Variants in SVIL observed in about 807,000 individuals in gnomAD.
The protein encoded by SVIL is archvillin.
A neutral mutation model predicts 240.4 loss-of-function variants in SVIL; 101 were observed. The observed-to-expected ratio is 0.42, with a 90% CI of 0.36 to 0.50. The LOEUF (loss-of-function observed/expected upper bound fraction) is 0.50. Ranked by LOEUF, SVIL falls within the 20% of genes least tolerant of loss-of-function variation. The pLI is 0.01. For missense variants in SVIL, 2,512 were observed against 2,818.7 expected, an observed-to-expected ratio of 0.89 and a Z score of 2.46; for synonymous variants, 999 against 1,100.0, an observed-to-expected ratio of 0.91 and a Z score of 1.82.
chr10:29,616,600 G>T (rs1464607341), intron 1 of SVIL, among the ~76,000 whole-genome samples: 2 of 152,238 alleles, frequency 1.3e-5, no homozygotes, highest in African/African-American at 2.4e-5. Context: ...CTGGCATAAG[G>T]ATTATTCTGA....
At chr10:29,654,308 C>T (rs1371522867) in intron 3 of SVIL, among the ~76,000 whole-genome samples, 9 of 152,020 alleles carry the variant, frequency 5.9e-5, no homozygotes, top group South Asian at 2.1e-4. Context: ...TATTAGAAAA[C>T]AAATTATTGT....
At chr10:29,567,862 A>G (rs1306289804) in intron 2 of SVIL, among the ~76,000 whole-genome samples, 1 of 151,938 alleles carries the variant, frequency 6.6e-6, no homozygotes, top group African/African-American at 2.4e-5. Flanking sequence ...TAAAAATACA[A>G]AAAAATTAGC....
At chr10:29,702,869 C>T (rs1962624910) in intron 1 of SVIL, among the ~76,000 whole-genome samples, 1 of 152,158 alleles carries the variant, frequency 6.6e-6, no homozygotes, top group Non-Finnish European at 1.5e-5. Context: ...TGACTTCAGA[C>T]TTTAGGAGAA....
chr10:29,580,842 T>A (rs184435959), intron 1 of SVIL, among the ~76,000 whole-genome samples: 42 of 152,194 alleles, frequency 2.8e-4, no homozygotes, highest in African/African-American at 9.4e-4. Context: ...AGACATGGGA[T>A]CTTGCCATGT....
At chr10:29,513,710 C>A (rs1260295108) in intron 16 of SVIL, among the ~76,000 whole-genome samples, 1 of 152,176 alleles carries the variant, frequency 6.6e-6, no homozygotes, top group African/African-American at 2.4e-5. Flanking sequence ...CTTCTTTAGA[C>A]AGAAACTATT....
chr10:29,530,639 G>T lies in SVIL; in HGVS notation c.2074C>A (p.Leu692Met), dbSNP rs1210636193. 1.2e-6 allele frequency: 2 copies of T among 1,614,142 alleles called. No individual in the cohort carries two copies. Among genetic ancestry groups the T allele is most frequent in the Admixed American group, 3.3e-5 (2 of 60,022 alleles). ...AGCAACCTCTTGGCGGCGACGCTCA[G>T]CTTGGCTCGTTCATCCACCTTTTCT... ...DEEKVDERAK[L>M]SVAAKRLLFR... Residue 692 changes from leucine (L) to methionine (M), a missense_variant, in exon 11 of 38, where the codon CTG (leucine) becomes ATG (methionine). Coordinates refer to ENST00000355867, the MANE Select transcript of SVIL (RefSeq NM_021738.3).
intron 6 of SVIL, among the ~76,000 whole-genome samples, chr10:29,539,212 G>A (rs987717825): frequency 1.3e-5 from 2 of 149,852 alleles, no homozygotes; most frequent in Non-Finnish European, 3.0e-5. Context: ...AACAAAGTAT[G>A]TGAAGGCATC....
In SVIL at chr10:29,526,305, C is replaced by CTTT. The variant is rs36004446; in HGVS notation, c.2342+653_2342+655dup. 7.0e-4 allele frequency among the ~76,000 whole-genome samples: 80 copies of CTTT among 114,992 alleles called. 2 individuals are homozygous for CTTT. Among genetic ancestry groups the CTTT allele is most frequent in the Non-Finnish European group, 1.0e-3 (60 of 57,892 alleles). 75.4% of individuals were successfully genotyped at this position (114,992 alleles called of 152,430 possible). On this transcript the variant is annotated intron_variant, in intron 13 of 37. Transcript: ENST00000355867. The stretch of plus-strand genomic sequence containing the variant: ...TTTTTTTCTTTCTTTTTTTCTCTTT[C>CTTT]TTTTTTTTTTTTTTTTTTGAGACAG...
chr10:29,525,675 A>G (rs1950851100), intron 13 of SVIL, among the ~76,000 whole-genome samples: 1 of 152,238 alleles, frequency 6.6e-6, no homozygotes, highest in Non-Finnish European at 1.5e-5. Flanking sequence ...AAGAGAAGGA[A>G]AGCCTGAAGT....
chr10:29,474,122 C>T lies in SVIL; in HGVS notation c.5378-133G>A, dbSNP rs542068178. Reference sequence around the variant, plus strand: ...CTCGGACCTAGGGCAGGGGAGAAACCGTTGGCACCTGGAGGGAAGGCTGGT... The same window carrying T: ...CTCGGACCTAGGGCAGGGGAGAAACTGTTGGCACCTGGAGGGAAGGCTGGT... On this transcript the variant is annotated intron_variant, in intron 29 of 37. Transcript: ENST00000355867. 162 of 1,244,906 alleles carry T rather than the reference C, an allele frequency of 1.3e-4. 1 individual carries two copies. The highest frequency in any genetic ancestry group is 1.0e-3 in the South Asian group (64 of 63,600). 77.1% of individuals were successfully genotyped at this position (1,244,906 alleles called of 1,614,324 possible). A position where few individuals can be genotyped will look rare whatever the true frequency, so the allele number is the denominator to read the frequency against.
At chr10:29,599,423 C>CTTTTT (rs35242004) in intron 1 of SVIL, among the ~76,000 whole-genome samples, 1 of 149,538 alleles carries the variant, frequency 6.7e-6, no homozygotes. Flanking sequence ...TGTTTTAAAA[C>CTTTTT]TTTTTTTTTT....
At chr10:29,512,589 T>C in intron 17 of SVIL, 146 bp downstream of exon 17, 1 of 1,363,456 alleles carries the variant, frequency 7.3e-7, no homozygotes, top group Non-Finnish European at 1.0e-6. Context: ...TTAGCTGCTC[T>C]GTGACAGACT....
chr10:29,500,107 G>A (rs1260815941), intron 17 of SVIL, among the ~76,000 whole-genome samples: 2 of 152,134 alleles, frequency 1.3e-5, no homozygotes, highest in South Asian at 2.1e-4. Context: ...GGACAGGCCT[G>A]GGATGGGGAG....
At chr10:29,488,548 A>G (rs1299303387) in intron 23 of SVIL, 53 bp downstream of exon 23, 6 of 1,499,640 alleles carry the variant, frequency 4.0e-6, no homozygotes, top group Non-Finnish European at 5.3e-6. Context: ...TCCGTATGGG[A>G]CCAGACAGAA....
At chr10:29,519,089 T>C (rs1481768753) in intron 16 of SVIL, among the ~76,000 whole-genome samples, 1 of 149,722 alleles carries the variant, frequency 6.7e-6, no homozygotes, top group East Asian at 1.9e-4. Flanking sequence ...TTTCTGAGAC[T>C]CTGAAATGTG....
intron 1 of SVIL, among the ~76,000 whole-genome samples, chr10:29,725,028 C>CAAAAAAA (rs1187861054): frequency 4.9e-5 from 2 of 40,918 alleles, no homozygotes; most frequent in East Asian, 9.9e-4. Flanking sequence ...GACCCGGTCT[C>CAAAAAAA]AAAAAAAAAA....
Position 29,536,074 on chromosome 10 carries a change from T to A in SVIL, c.828-5A>T, listed in dbSNP as rs758295738. 6.2e-7 allele frequency: 1 copy of A among 1,614,124 alleles called. No homozygotes were observed. Among genetic ancestry groups the A allele is most frequent in the Non-Finnish European group, 8.5e-7 (1 of 1,179,934 alleles). On this transcript the variant is annotated splice_region_variant and splice_polypyrimidine_tract_variant and intron_variant, in intron 6 of 37. Transcript: ENST00000355867. ...TCATGTTTGGGTTTCCCTGTACTATTGTGTACAAAAAACAAAACCAGATAA... is the reference window on the plus strand; with the variant it reads ...TCATGTTTGGGTTTCCCTGTACTATAGTGTACAAAAAACAAAACCAGATAA...
At chr10:29,590,447 GC>G (rs1370911134) in intron 1 of SVIL, among the ~76,000 whole-genome samples, 2 of 152,114 alleles carry the variant, frequency 1.3e-5, no homozygotes, top group Non-Finnish European at 2.9e-5. Context: ...TTAAAACGGT[GC>G]CAACCGCATG....
In SVIL at chr10:29,467,785, G is replaced by A. The variant is rs1945095180; in HGVS notation, c.5934C>T (p.Ala1978=). 6.2e-7 allele frequency: 1 copy of A among 1,614,038 alleles called. No individual in the cohort carries two copies. Among genetic ancestry groups the A allele is most frequent in the Non-Finnish European group, 8.5e-7 (1 of 1,180,024 alleles). The change falls in exon 33 of 38, where the codon GCC becomes GCT. Residue 1978 remains alanine, a synonymous_variant. Transcript: ENST00000355867. ...AGGCTTTCCTGTCTCTCCTTCCTAA[G>A]GCATCCCAGAATCCGAGTGGCTCGG... is the stretch of plus-strand genomic sequence containing the variant. The part of the protein sequence containing the change: ...EGSEPLGFWD[A]LGRRDRKAYD...
Sources: allele counts gnomAD v4.1 joint callset (sites outside exome capture counted in the v4.1 genomes callset), GRCh38; gene constraint gnomAD v4.1.1; transcripts MANE v1.5; gene names NCBI Gene and HGNC (gene_info 2026-07-23, HGNC 2026-07-21).